SOX5: variants seen among roughly 807,000 people sequenced by gnomAD.
SOX5 encodes the protein transcription factor SOX-5.
A neutral mutation model predicts 92.0 loss-of-function variants in SOX5; 9 were observed. The ratio of observed to expected loss-of-function variants is 0.10; its 90% confidence interval spans 0.06 to 0.17. The LOEUF (loss-of-function observed/expected upper bound fraction) is 0.17. Ranked by LOEUF, SOX5 falls within the 10% of genes least tolerant of loss-of-function variation. The pLI is 1.00. For synonymous variants in SOX5, 344 were observed against 336.3 expected (o/e 1.02, Z -0.25); for missense variants, 642 against 944.5 (o/e 0.68, Z 4.20).
intron 2 of SOX5, among the ~76,000 whole-genome samples, chr12:24,286,942 A>T (rs1237900714): frequency 6.6e-6 from 1 of 152,216 alleles, no homozygotes; most frequent in Non-Finnish European, 1.5e-5. Flanking sequence ...CATACCAAGG[A>T]AAGGTAAAAG....
chr12:24,198,988 A>G (rs980393489), intron 4 of SOX5, among the ~76,000 whole-genome samples: 1 of 142,562 alleles, frequency 7.0e-6, no homozygotes, highest in Non-Finnish European at 1.6e-5. Flanking sequence ...AGGCAGGGAG[A>G]AAAGAGTACA....
At chr12:24,226,824 A>C (rs995139456) in intron 3 of SOX5, among the ~76,000 whole-genome samples, 1 of 150,446 alleles carries the variant, frequency 6.6e-6, no homozygotes, top group Non-Finnish European at 1.5e-5. Context: ...TAAATTTAGA[A>C]CTTATATTAG....
intron 4 of SOX5, among the ~76,000 whole-genome samples, chr12:24,144,625 G>A (rs1275110020): frequency 1.3e-5 from 2 of 152,060 alleles, no homozygotes; most frequent in Admixed American, 6.6e-5. Flanking sequence ...CAAACTTGGT[G>A]TGGTGCTGGG....
intron 4 of SOX5, among the ~76,000 whole-genome samples, chr12:24,149,507 T>C (rs1951444773): frequency 1.3e-5 from 2 of 152,148 alleles, no homozygotes; most frequent in Non-Finnish European, 2.9e-5. Flanking sequence ...CAGATAAACC[T>C]ATCCATTAGA....
chr12:23,859,067 C>A (rs1418886185), intron 2 of SOX5, among the ~76,000 whole-genome samples: 3 of 151,944 alleles, frequency 2.0e-5, no homozygotes, highest in African/African-American at 7.2e-5. Context: ...GTTAACTGTA[C>A]AAATTGTAAA....
At chr12:23,563,431 C>CT (rs781299625) in intron 10 of SOX5, 28 bp from the exon 11 acceptor site, 1 of 1,606,918 alleles carries the variant, frequency 6.2e-7, no homozygotes, top group South Asian at 1.1e-5. Context: ...CAAAGGATAT[C>CT]TTTTGTATAA....
chr12:24,003,576 A>G (rs946981228), intron 4 of SOX5, among the ~76,000 whole-genome samples: 3 of 152,076 alleles, frequency 2.0e-5, no homozygotes, highest in Non-Finnish European at 4.4e-5. Context: ...AAAGAATAAA[A>G]CATTAAGAAC....
intron 4 of SOX5, among the ~76,000 whole-genome samples, chr12:23,976,415 A>T (rs970178534): frequency 6.6e-6 from 1 of 150,382 alleles, no homozygotes; most frequent in South Asian, 2.1e-4. Context: ...ACAAAAAAAA[A>T]AAAAAAAAAG....
intron 1 of SOX5, among the ~76,000 whole-genome samples, chr12:24,375,391 G>T (rs1195146036): frequency 6.6e-6 from 1 of 152,090 alleles, no homozygotes; most frequent in Non-Finnish European, 1.5e-5. Context: ...CAGCTATTTT[G>T]TGTTCACTTT....
At chr12:24,451,724 G>A (rs1463377304) in intron 1 of SOX5, among the ~76,000 whole-genome samples, 1 of 152,142 alleles carries the variant, frequency 6.6e-6, no homozygotes, top group East Asian at 1.9e-4. Context: ...TTAGAGAAAT[G>A]ATCATGAGCA....
At chr12:24,086,703 G>T (rs1944038365) in intron 4 of SOX5, among the ~76,000 whole-genome samples, 1 of 151,834 alleles carries the variant, frequency 6.6e-6, no homozygotes, top group Non-Finnish European at 1.5e-5. Context: ...GAGTTTGAGT[G>T]GTCTGAAGGC....
At chr12:23,620,027 T>C (rs2076991828) in intron 8 of SOX5, among the ~76,000 whole-genome samples, 1 of 151,916 alleles carries the variant, frequency 6.6e-6, no homozygotes, top group African/African-American at 2.4e-5. Flanking sequence ...TACTACAAAA[T>C]AGAAGTATAT....
chr12:24,004,789 G>A (rs992758019), intron 4 of SOX5, among the ~76,000 whole-genome samples: 6 of 151,802 alleles, frequency 4.0e-5, no homozygotes, highest in South Asian at 2.1e-4. Context: ...TTAAACATAC[G>A]TCCACACAAA....
intron 9 of SOX5, among the ~76,000 whole-genome samples, chr12:23,585,347 G>C (rs1950576359): frequency 6.6e-6 from 1 of 152,124 alleles, no homozygotes; most frequent in Non-Finnish European, 1.5e-5. Context: ...TCTACTCAGA[G>C]ATGTCTGCTA....
intron 3 of SOX5, among the ~76,000 whole-genome samples, chr12:23,783,277 A>G (rs2095317394): frequency 6.6e-6 from 1 of 152,168 alleles, no homozygotes. Flanking sequence ...ATGTAATTTA[A>G]TGTGGAATGA....
At chr12:23,773,777 C>CA (rs928312186) in intron 3 of SOX5, among the ~76,000 whole-genome samples, 1 of 151,562 alleles carries the variant, frequency 6.6e-6, no homozygotes, top group African/African-American at 2.4e-5. Flanking sequence ...AGACACCAGT[C>CA]AAAAAAATCA....
chr12:24,092,066 G>A (rs765602632), intron 4 of SOX5, among the ~76,000 whole-genome samples: 4 of 152,258 alleles, frequency 2.6e-5, no homozygotes, highest in Non-Finnish European at 5.9e-5. Context: ...CTCACAGTGA[G>A]CCAAATTGAA....
intron 6 of SOX5, among the ~76,000 whole-genome samples, chr12:23,704,895 T>G (rs899027944): frequency 6.6e-6 from 1 of 151,472 alleles, no homozygotes; most frequent in African/African-American, 2.4e-5. Context: ...TTTTTTGTAT[T>G]TTCATAATCA....
At chr12:24,246,218 T>C (rs1267081853) in intron 3 of SOX5, among the ~76,000 whole-genome samples, 1 of 152,176 alleles carries the variant, frequency 6.6e-6, no homozygotes, top group African/African-American at 2.4e-5. Flanking sequence ...ATTTTACAAA[T>C]TGCTTGCTTC....
Sources: gnomAD v4.1 joint callset for allele counts (sites outside exome capture counted in the v4.1 genomes callset) on GRCh38, gnomAD v4.1.1 for gene constraint, MANE v1.5 for transcripts, NCBI Gene and HGNC (gene_info 2026-07-23, HGNC 2026-07-21) for gene names.